Variants in DSCAM observed in about 807,000 individuals in gnomAD.
The protein encoded by DSCAM is DS cell adhesion molecule.
In DSCAM, 47 loss-of-function variants were observed where a neutral mutation model predicts 217.7. That is an observed-to-expected ratio of 0.22 (90% CI 0.17 to 0.28). DSCAM has a LOEUF of 0.28. DSCAM is among the 10% of genes least tolerant of loss of function. The pLI is 1.00. For synonymous variants in DSCAM, 1,056 were observed against 1,015.3 expected (o/e 1.04, Z -0.76); for missense variants, 2,080 against 2,618.3 (o/e 0.79, Z 4.49).
At chr21:40,264,416 A>T (rs2073495236) in intron 11 of DSCAM, among the ~76,000 whole-genome samples, 1 of 152,240 alleles carries the variant, frequency 6.6e-6, no homozygotes, top group African/African-American at 2.4e-5. Flanking sequence ...GCAAGTCAAA[A>T]AATGTGATTC....
chr21:40,084,073 C>T (rs1218979935), intron 23 of DSCAM, 67 bp from the exon 24 acceptor site: 7 of 1,254,290 alleles, frequency 5.6e-6, no homozygotes, highest in African/African-American at 3.1e-5. Context: ...CCTGAACAGT[C>T]ATTTACCAAC....
chr21:40,825,427 C>G (rs773306069), intron 1 of DSCAM, among the ~76,000 whole-genome samples: 2 of 152,082 alleles, frequency 1.3e-5, no homozygotes, highest in Non-Finnish European at 2.9e-5. Flanking sequence ...AAGTGATTCT[C>G]CTGCCTCAGC....
At position 40,085,629 on chromosome 21, in the gene DSCAM, C is replaced by A; in HGVS notation, c.4105G>T (p.Glu1369Ter). The change falls in exon 23 of 33, where the codon GAA becomes TAA. Residue 1369 changes from glutamate (E) to a stop codon, truncating the protein, a stop_gained. Transcript: ENST00000400454. LOFTEE classifies it high-confidence loss of function. ...CIANNNWGSD[E>*]IILNLQVQVP... ...TGTACTTGTAAGTTTAAAATAATTT[C>A]ATCAGATCCCCAGTTGTTATTGGCA... 1.3e-6 allele frequency: 2 copies of A among 1,573,744 alleles called. No homozygotes were observed. Among genetic ancestry groups the A allele is most frequent in the Admixed American group, 1.7e-5 (1 of 58,986 alleles).
intron 3 of DSCAM, among the ~76,000 whole-genome samples, chr21:40,460,791 A>G (rs1317096377): frequency 6.6e-6 from 1 of 152,204 alleles, no homozygotes; most frequent in Admixed American, 6.5e-5. Context: ...AGAAATAATA[A>G]TGCTGGGTGA....
chr21:40,117,978 C>A (rs1020593863), intron 20 of DSCAM, among the ~76,000 whole-genome samples: 2 of 152,128 alleles, frequency 1.3e-5, no homozygotes, highest in Non-Finnish European at 2.9e-5. Flanking sequence ...CACATACACA[C>A]ACGTGCACAA....
At chr21:40,069,815 T>C (rs1275853267) in intron 27 of DSCAM, among the ~76,000 whole-genome samples, 1 of 152,128 alleles carries the variant, frequency 6.6e-6, no homozygotes, top group Non-Finnish European at 1.5e-5. Flanking sequence ...TTTTATAAGA[T>C]CCCAAATAGG....
chr21:40,766,966 A>C (rs1453323527), intron 1 of DSCAM, among the ~76,000 whole-genome samples: 1 of 152,136 alleles, frequency 6.6e-6, no homozygotes, highest in Non-Finnish European at 1.5e-5. Flanking sequence ...GATTACAGGC[A>C]TGAGCCACCG....
intron 11 of DSCAM, among the ~76,000 whole-genome samples, chr21:40,219,415 A>T (rs1601453742): frequency 6.6e-6 from 1 of 152,206 alleles, no homozygotes; most frequent in Admixed American, 6.5e-5. Flanking sequence ...ATTTAAACCC[A>T]TAATTTAAAA....
At chr21:40,508,818 TATAGAGACAAGG>T in intron 3 of DSCAM, among the ~76,000 whole-genome samples, 1 of 133,160 alleles carries the variant, frequency 7.5e-6, no homozygotes, top group Non-Finnish European at 1.6e-5. Context: ...TTTACTTTTT[TATAGAGACAAGG>T]TCTCTTTATG....
chr21:40,299,024 A>T (rs542398546), intron 9 of DSCAM, among the ~76,000 whole-genome samples: 10 of 152,178 alleles, frequency 6.6e-5, no homozygotes, highest in African/African-American at 2.4e-4. Context: ...CCCTGGTAGG[A>T]GTAGCCAGGG....
chr21:40,248,283 G>A (rs1447972023), intron 11 of DSCAM, among the ~76,000 whole-genome samples: 1 of 152,138 alleles, frequency 6.6e-6, no homozygotes, highest in Admixed American at 6.6e-5. Flanking sequence ...TCAGAAGATG[G>A]CATTTTCTTT....
intron 3 of DSCAM, among the ~76,000 whole-genome samples, chr21:40,380,097 A>T (rs2075004977): frequency 1.3e-5 from 2 of 152,222 alleles, no homozygotes; most frequent in South Asian, 4.1e-4. Flanking sequence ...TATGTAAATA[A>T]AATTCTCTCA....
At chr21:40,133,381 A>G (rs2837445) in intron 19 of DSCAM, among the ~76,000 whole-genome samples, 7,964 of 152,264 alleles carry the variant, frequency 0.052, 484 homozygotes, top group East Asian at 0.26. Flanking sequence ...ATTAACATGA[A>G]GTTCTCAAAT....
intron 1 of DSCAM, among the ~76,000 whole-genome samples, chr21:40,786,939 C>T (rs2091599417): frequency 3.3e-5 from 5 of 152,086 alleles, no homozygotes; most frequent in Admixed American, 2.0e-4. Context: ...AGTTACTTTC[C>T]CAGGATGACA....
chr21:40,646,890 C>T (rs1601819494), intron 3 of DSCAM, among the ~76,000 whole-genome samples: 1 of 152,198 alleles, frequency 6.6e-6, no homozygotes, highest in East Asian at 1.9e-4. Context: ...ACACACAGCT[C>T]GGGACCAGTC....
chr21:40,210,273 G>A (rs1381450820), intron 11 of DSCAM, among the ~76,000 whole-genome samples: 1 of 152,106 alleles, frequency 6.6e-6, no homozygotes, highest in Admixed American at 6.5e-5. Flanking sequence ...ACCCCTACAA[G>A]GGGCTCTCCC....
intron 1 of DSCAM, among the ~76,000 whole-genome samples, chr21:40,834,424 TAA>T (rs1303422570): frequency 5.3e-5 from 5 of 94,872 alleles, no homozygotes; most frequent in African/African-American, 1.2e-4. Flanking sequence ...ATAATAATAA[TAA>T]AATAATAATA....
intron 3 of DSCAM, among the ~76,000 whole-genome samples, chr21:40,505,725 A>G (rs963844): frequency 0.76 from 115,876 of 152,114 alleles, 45,009 homozygotes; most frequent in African/African-American, 0.93. Flanking sequence ...CAATTAAATT[A>G]CTCTTTGGGG....
intron 3 of DSCAM, among the ~76,000 whole-genome samples, chr21:40,629,095 GTGTGTGTGTGTGT>G (rs766367914): frequency 8.4e-6 from 1 of 119,254 alleles, no homozygotes; most frequent in Non-Finnish European, 1.9e-5. Context: ...GTGTGTGTGT[GTGTGTGTGTGTGT>G]GTGTGTGTGT....
Sources: allele counts gnomAD v4.1 joint callset (sites outside exome capture counted in the v4.1 genomes callset), GRCh38; gene constraint gnomAD v4.1.1; transcripts MANE v1.5; gene names NCBI Gene and HGNC (gene_info 2026-07-23, HGNC 2026-07-21).